SAMD4A: variants seen among roughly 807,000 people sequenced by gnomAD.
SAMD4A encodes the protein sterile alpha motif domain containing 4A.
Under a neutral mutation model 81.3 loss-of-function variants are expected in SAMD4A, and 33 were observed. The observed-to-expected ratio is 0.41, with a 90% CI of 0.31 to 0.54. The LOEUF (loss-of-function observed/expected upper bound fraction) is 0.54, where lower values mean the gene tolerates loss of function less well. Among genes scored for constraint, SAMD4A ranks in the 20% least tolerant of loss-of-function variants. The pLI is 0.37. For missense variants in SAMD4A, 854 were observed against 951.1 expected (o/e 0.90, Z 1.34); for synonymous variants, 389 against 382.1 (o/e 1.02, Z -0.21).
At chr14:54,654,303 C>G (rs1380534953) in intron 2 of SAMD4A, among the ~76,000 whole-genome samples, 1 of 152,120 alleles carries the variant, frequency 6.6e-6, no homozygotes, top group Non-Finnish European at 1.5e-5. Flanking sequence ...GTAGTAGCCA[C>G]TGGGGACTGA....
chr14:54,591,713 G>T (rs571031172), intron 2 of SAMD4A, among the ~76,000 whole-genome samples: 94 of 152,224 alleles, frequency 6.2e-4, no homozygotes, highest in African/African-American at 2.2e-3. Flanking sequence ...CCTGTGCCTG[G>T]ACATTTACAT....
intron 3 of SAMD4A, among the ~76,000 whole-genome samples, chr14:54,710,797 A>G (rs1232596661): frequency 1.3e-5 from 2 of 152,100 alleles, no homozygotes; most frequent in African/African-American, 4.8e-5. Flanking sequence ...ATGTTCACCT[A>G]TCCTTCCCGA....
chr14:54,579,655 T>G (rs1021206140), intron 2 of SAMD4A, among the ~76,000 whole-genome samples: 2 of 152,228 alleles, frequency 1.3e-5, no homozygotes, highest in African/African-American at 4.8e-5. Context: ...GTTTTTCCAC[T>G]GGCTTTAAAA....
intron 3 of SAMD4A, among the ~76,000 whole-genome samples, chr14:54,716,612 C>T (rs11850812): frequency 0.056 from 8,531 of 152,070 alleles, 389 homozygotes; most frequent in African/African-American, 0.12. Flanking sequence ...CTTCATTTGC[C>T]GGAACTCTTA....
intron 3 of SAMD4A, among the ~76,000 whole-genome samples, chr14:54,719,178 G>A (rs1295028204): frequency 6.6e-6 from 1 of 152,000 alleles, no homozygotes; most frequent in Non-Finnish European, 1.5e-5. Context: ...GAACTCTAGA[G>A]GAAAGGCAAC....
At chr14:54,696,679 C>CA (rs1254536481) in intron 2 of SAMD4A, among the ~76,000 whole-genome samples, 1 of 152,166 alleles carries the variant, frequency 6.6e-6, no homozygotes, top group East Asian at 1.9e-4. Context: ...TTTGTCACTC[C>CA]AAAAATCATT....
intron 2 of SAMD4A, among the ~76,000 whole-genome samples, chr14:54,699,379 G>A (rs775702452): frequency 2.2e-4 from 34 of 152,262 alleles, no homozygotes; most frequent in Admixed American, 8.5e-4. Flanking sequence ...AGGGAGCTGG[G>A]AGGGACTTGC....
rs371443164 is a variant in SAMD4A at position 54,684,385 on chromosome 14, G to A, written c.197-17677G>A. Among the ~76,000 whole-genome samples the A allele has an allele frequency of 2.2e-4, 34 of 152,314 alleles. No individual in the cohort carries two copies. In the East Asian group the frequency reaches 2.9e-3, roughly 13 times the overall value. On this transcript the variant is annotated intron_variant, in intron 2 of 12. Transcript: ENST00000554335. ...TTCAACACACTTTAAAATGCAAAAG[G>A]GAACTTTCCTGCCTCAAGCTTTCAA... is the stretch of plus-strand genomic sequence containing the variant.
chr14:54,770,354 A>C, intron 9 of SAMD4A, 132 bp downstream of exon 9: 1 of 668,128 alleles, frequency 1.5e-6, no homozygotes. Flanking sequence ...GCGAGTTCCA[A>C]ATTGCATTGC....
rs545459154 is a variant in SAMD4A, at chr14:54,666,826, G to A, written c.197-35236G>A. 1.4e-4 allele frequency among the ~76,000 whole-genome samples: 21 copies of A among 152,182 alleles called. 1 individual carries two copies. The South Asian group carries it at 4.4e-3, about 32-fold the overall frequency. On this transcript the variant is annotated intron_variant, in intron 2 of 12. Coordinates refer to ENST00000554335, the MANE Select transcript of SAMD4A (RefSeq NM_015589.6). The stretch of plus-strand genomic sequence containing the variant: ...AGACACATAGGTACCCCCAAATGTT[G>A]GAGGAATGGCACAAGCTAGCAAACC...
chr14:54,570,145 G>A (rs1187583), intron 2 of SAMD4A, among the ~76,000 whole-genome samples: 137,941 of 152,242 alleles, frequency 0.91, 62,935 homozygotes, highest in African/African-American at 0.96. Context: ...TCGCCTAGAC[G>A]TTTTGCCTGC....
chr14:54,580,516 T>C (rs1022138719), intron 2 of SAMD4A, among the ~76,000 whole-genome samples: 6 of 152,214 alleles, frequency 3.9e-5, no homozygotes, highest in African/African-American at 1.4e-4. Context: ...GGAGTTGCCC[T>C]AAACCCTAGT....
intron 2 of SAMD4A, among the ~76,000 whole-genome samples, chr14:54,607,955 G>T (rs577009289): frequency 6.8e-6 from 1 of 146,188 alleles, no homozygotes; most frequent in Non-Finnish European, 1.5e-5. Flanking sequence ...GGCAGAGGTT[G>T]CAATGAGCCC....
chr14:54,724,076 G>C (rs752296005), intron 3 of SAMD4A, among the ~76,000 whole-genome samples: 13 of 149,396 alleles, frequency 8.7e-5, no homozygotes, highest in Non-Finnish European at 1.3e-4. Flanking sequence ...TCTATTCATA[G>C]GACCCCCACA....
chr14:54,587,905 A>T (rs2033668978), intron 2 of SAMD4A, among the ~76,000 whole-genome samples: 2 of 152,302 alleles, frequency 1.3e-5, no homozygotes, highest in South Asian at 4.1e-4. Flanking sequence ...GCTTCATAGA[A>T]TGATTAGGGA....
At chr14:54,783,243 G>A (rs1160836566) in intron 11 of SAMD4A, among the ~76,000 whole-genome samples, 9 of 151,480 alleles carry the variant, frequency 5.9e-5, no homozygotes, top group South Asian at 2.1e-4. Context: ...CTTTTTCTTC[G>A]CTCAGTAGAC....
At chr14:54,617,006 G>A (rs1194288011) in intron 2 of SAMD4A, among the ~76,000 whole-genome samples, 2 of 152,016 alleles carry the variant, frequency 1.3e-5, no homozygotes, top group Non-Finnish European at 2.9e-5. Flanking sequence ...ATTTATTCTT[G>A]TTTTACTTAT....
intron 11 of SAMD4A, among the ~76,000 whole-genome samples, chr14:54,783,023 A>G (rs986702197): frequency 2.6e-5 from 4 of 152,098 alleles, no homozygotes. Context: ...AGGCTCACAG[A>G]GGAAGGTGGT....
chr14:54,703,534 G>T (rs919690063), intron 3 of SAMD4A: 1 of 152,112 alleles, frequency 6.6e-6, no homozygotes, highest in Non-Finnish European at 1.5e-5. Context: ...TCGTGTGCCT[G>T]TCTTCATGCA....
Sources: allele counts gnomAD v4.1 joint callset (sites outside exome capture counted in the v4.1 genomes callset), GRCh38; gene constraint gnomAD v4.1.1; transcripts MANE v1.5; gene names NCBI Gene and HGNC (gene_info 2026-07-23, HGNC 2026-07-21).